The following SCAI variants were observed in gnomAD, a reference collection of about 807,000 sequenced individuals.
SCAI encodes the protein protein SCAI.
SCAI carries 24 observed loss-of-function variants against 92.2 expected under a neutral mutation model. That is an observed-to-expected ratio of 0.26 (90% CI 0.19 to 0.37). The LOEUF is 0.37. Ranked by LOEUF, SCAI falls within the 10% of genes least tolerant of loss-of-function variation. SCAI has a pLI of 1.00. For synonymous variants in SCAI, 261 were observed against 258.6 expected (o/e 1.01, Z -0.09); for missense variants, 450 against 736.2 (o/e 0.61, Z 4.50).
intron 2 of SCAI, among the ~76,000 whole-genome samples, chr9:125,071,007 A>G (rs1370808467): frequency 1.3e-4 from 20 of 152,124 alleles, no homozygotes; most frequent in Admixed American, 1.3e-3. Flanking sequence ...ACAAGATCTG[A>G]TGGTTTTATA....
intron 3 of SCAI, among the ~76,000 whole-genome samples, chr9:125,036,409 T>G (rs1175012990): frequency 6.6e-6 from 1 of 152,056 alleles, no homozygotes; most frequent in African/African-American, 2.4e-5. Context: ...AATGTATAAA[T>G]TAATAAACGA....
chr9:125,003,231 G>T lies in SCAI; in HGVS notation c.964-16C>A. 1 of 1,565,110 alleles carries T rather than the reference G, an allele frequency of 6.4e-7. No homozygotes were observed. The highest frequency in any genetic ancestry group is 8.8e-7 in the Non-Finnish European group (1 of 1,135,734). ...CAGCTGATTCCTATATTTACACACA[G>T]AAAACATTATACATAAAAGCTGCAT... On this transcript the variant is annotated splice_polypyrimidine_tract_variant and intron_variant, in intron 10 of 17. Coordinates refer to ENST00000336505, the MANE Select transcript of SCAI (RefSeq NM_001144877.3).
chr9:124,979,181 A>C (rs1018846171), intron 14 of SCAI, among the ~76,000 whole-genome samples: 1 of 151,924 alleles, frequency 6.6e-6, no homozygotes, highest in Non-Finnish European at 1.5e-5. Context: ...TTATTAAATG[A>C]AAAAAGATAT....
rs369528828 is a variant in SCAI, at chr9:124,950,899, A to G, written c.*1908T>C. On this transcript the variant is annotated 3_prime_UTR_variant, in exon 18 of 18. Coordinates refer to ENST00000336505, the MANE Select transcript of SCAI (RefSeq NM_001144877.3). ...CCATGTCTCTACAAAAAATTAAAAA[A>G]TAAAGAAAATTAGCCAGGCATGGTG... The G allele has an allele frequency of 6.6e-6, 1 of 152,000 alleles. No homozygotes were observed. The highest frequency in any genetic ancestry group is 2.4e-5 in the African/African-American group (1 of 41,376). The allele number at this position is 152,000 out of a possible 1,614,324, so 9.4% of individuals were successfully genotyped here.
At chr9:125,070,283 AACAAATGAC>A (rs1833956850) in intron 2 of SCAI, among the ~76,000 whole-genome samples, 1 of 152,218 alleles carries the variant, frequency 6.6e-6, no homozygotes, top group African/African-American at 2.4e-5. Context: ...CTATAATGGG[AACAAATGAC>A]AGAGCTCTAA....
intron 2 of SCAI, among the ~76,000 whole-genome samples, chr9:125,056,556 T>C (rs1328629874): frequency 6.6e-6 from 1 of 152,212 alleles, no homozygotes; most frequent in African/African-American, 2.4e-5. Context: ...ATTTTTATAA[T>C]ATCCTTTCCT....
intron 2 of SCAI, among the ~76,000 whole-genome samples, chr9:125,086,711 TA>T (rs555818669): frequency 6.6e-6 from 1 of 152,188 alleles, no homozygotes. Context: ...GGGACCAGCA[TA>T]GGGGCAAGAG....
intron 2 of SCAI, among the ~76,000 whole-genome samples, chr9:125,087,469 A>C (rs1834344786): frequency 6.6e-6 from 1 of 152,248 alleles, no homozygotes; most frequent in Non-Finnish European, 1.5e-5. Flanking sequence ...GCTATAGCAA[A>C]TATAACAAAG....
intron 13 of SCAI, 94 bp from the exon 14 acceptor site, chr9:124,995,109 C>T (rs538557340): frequency 1.2e-6 from 1 of 827,604 alleles, no homozygotes; most frequent in South Asian, 1.8e-5. Flanking sequence ...TCCTTTGCAT[C>T]ATAGCACTGA....
chr9:125,029,509 C>A (rs1459440912), intron 4 of SCAI, 135 bp downstream of exon 4: 1 of 497,174 alleles, frequency 2.0e-6, no homozygotes, highest in Non-Finnish European at 3.6e-6. Context: ...TTTAAAAGCA[C>A]CAAGATTTAC....
At chr9:125,116,122 T>C (rs935332629) in intron 2 of SCAI, among the ~76,000 whole-genome samples, 11 of 152,174 alleles carry the variant, frequency 7.2e-5, no homozygotes, top group African/African-American at 2.4e-4. Flanking sequence ...GAGGCGGAGG[T>C]TGCAGTGAGC....
intron 2 of SCAI, among the ~76,000 whole-genome samples, chr9:125,105,107 C>A (rs911791085): frequency 7.2e-5 from 11 of 151,928 alleles, no homozygotes; most frequent in Non-Finnish European, 1.0e-4. Context: ...AAAACCAAAG[C>A]CATCATGTAC....
At chr9:125,124,445 A>C (rs1029520895) in intron 2 of SCAI, among the ~76,000 whole-genome samples, 9 of 152,190 alleles carry the variant, frequency 5.9e-5, no homozygotes, top group Non-Finnish European at 1.0e-4. Flanking sequence ...CAAGGGAATC[A>C]ATGGCGCAAG....
At chr9:125,001,156 T>C (rs928424615) in intron 12 of SCAI, among the ~76,000 whole-genome samples, 2 of 152,166 alleles carry the variant, frequency 1.3e-5, no homozygotes, top group African/African-American at 4.8e-5. Flanking sequence ...ATCACTGCAA[T>C]GAAAAGGCTA....
At chr9:125,032,491 C>A (rs1833098578) in intron 3 of SCAI, among the ~76,000 whole-genome samples, 1 of 151,464 alleles carries the variant, frequency 6.6e-6, no homozygotes, top group African/African-American at 2.4e-5. Flanking sequence ...CATGCCCGGC[C>A]TCTGGTTAGC....
chr9:125,109,993 C>A (rs1193009066), intron 2 of SCAI, among the ~76,000 whole-genome samples: 1 of 152,112 alleles, frequency 6.6e-6, no homozygotes, highest in Non-Finnish European at 1.5e-5. Flanking sequence ...TGGCCCCAAG[C>A]ATGCTTTAAT....
At chr9:124,979,689 T>C (rs1457109402) in intron 14 of SCAI, among the ~76,000 whole-genome samples, 1 of 152,168 alleles carries the variant, frequency 6.6e-6, no homozygotes, top group Non-Finnish European at 1.5e-5. Context: ...AGGAAGAGAT[T>C]TCACAATATG....
intron 17 of SCAI, among the ~76,000 whole-genome samples, chr9:124,962,937 T>C (rs992954418): frequency 6.6e-6 from 1 of 151,406 alleles, no homozygotes; most frequent in Non-Finnish European, 1.5e-5. Context: ...TAGCCGGGAT[T>C]ACAGGTGCAT....
chr9:124,970,866 G>T (rs113407279), intron 17 of SCAI, among the ~76,000 whole-genome samples: 4,411 of 152,084 alleles, frequency 0.029, 230 homozygotes, highest in African/African-American at 0.097. Context: ...CCAGGCTGGA[G>T]TGCAGTGATG....
Sources: gnomAD v4.1 joint callset for allele counts (sites outside exome capture counted in the v4.1 genomes callset) on GRCh38, gnomAD v4.1.1 for gene constraint, MANE v1.5 for transcripts, NCBI Gene and HGNC (gene_info 2026-07-23, HGNC 2026-07-21) for gene names.